CEL: variants seen among roughly 807,000 people sequenced by gnomAD.
The protein encoded by CEL is bile salt-activated lipase.
CEL carries 39 observed loss-of-function variants against 57.1 expected under a neutral mutation model. That is an observed-to-expected ratio of 0.68 (90% confidence interval 0.53 to 0.89). The LOEUF (loss-of-function observed/expected upper bound fraction) is 0.89, where lower values mean the gene tolerates loss of function less well. Ranked by LOEUF, CEL falls within the 40% of genes least tolerant of loss-of-function variation. CEL has a pLI of 0.00. For missense variants in CEL, 698 were observed against 915.0 expected (o/e 0.76, Z 3.06); for synonymous variants, 314 against 396.6 (o/e 0.79, Z 2.48).
chr9:133,064,588 C>A, intron 2 of CEL, 34 bp downstream of exon 2: 1 of 1,613,888 alleles, frequency 6.2e-7, no homozygotes, highest in Non-Finnish European at 8.5e-7. Flanking sequence ...GGCCCTGCGG[C>A]GGGGCGGGTG....
chr9:133,067,278 C>A, intron 7 of CEL, 73 bp downstream of exon 7: 1 of 1,361,174 alleles, frequency 7.3e-7, no homozygotes, highest in Non-Finnish European at 1.0e-6. Context: ...GGGAGTACTC[C>A]GGAGGAGAGA....
In CEL at chr9:133,066,662, T is replaced by G; in HGVS notation, c.669+2T>G. 1 of 1,612,680 alleles carries G rather than the reference T, an allele frequency of 6.2e-7. No individual in the cohort carries two copies. Among genetic ancestry groups the G allele is most frequent in the Non-Finnish European group, 8.5e-7 (1 of 1,179,366 alleles). ...GGAGGTGCCAGCGTCTCTCTGCAGG[T>G]CTCGGGATCCCTGTGGGGAGGGCCT... On this transcript the variant is annotated splice_donor_variant, in intron 5 of 10. Transcript: ENST00000372080. LOFTEE classifies it high-confidence loss of function. This position sits in a 1 kb window ranked among gnomAD's most constrained non-coding sequence, Gnocchi z 4.3.
At position 133,064,726 on chromosome 9, in the gene CEL, T is replaced by C; in HGVS notation, c.304T>C (p.Tyr102His). Reference sequence around the variant, plus strand: ...CACCTACGGGGATGAAGACTGCCTGTACCTCAACATTTGGGTGCCCCAGGG... The same window carrying C: ...CACCTACGGGGATGAAGACTGCCTGCACCTCAACATTTGGGTGCCCCAGGG... ...DSTYGDEDCL[Y>H]LNIWVPQGRK... Residue 102 changes from tyrosine to histidine, a missense_variant, in exon 3 of 11, where the codon TAC (tyrosine) becomes CAC (histidine). By Grantham distance (83) the Tyr-to-His change is moderately conservative (BLOSUM62 2). This residue lies in a region of CEL where 327 missense variants were observed against 374.1 expected (regional missense o/e 0.87). Transcript: ENST00000372080. 6.2e-7 allele frequency: 1 copy of C among 1,614,092 alleles called. No individual in the cohort carries two copies. Among genetic ancestry groups the C allele is most frequent in the Non-Finnish European group, 8.5e-7 (1 of 1,180,014 alleles).
At position 133,070,976 on chromosome 9, in the gene CEL, T is replaced by G; in HGVS notation, c.1485-11T>G. On this transcript the variant is annotated splice_polypyrimidine_tract_variant and intron_variant, in intron 10 of 10. Transcript: ENST00000372080. ...TCCCCAGCCCCTGCACAGCCTCTTC[T>G]CACTCTGCAGGGACCCCAACATGGG... The G allele has an allele frequency of 6.2e-7, 1 of 1,613,108 alleles. No individual in the cohort carries two copies. Among genetic ancestry groups the G allele is most frequent in the Non-Finnish European group, 8.5e-7 (1 of 1,179,714 alleles).
Position 133,066,807 on chromosome 9 carries a change from G to A in CEL, c.670-31G>A. 1 of 1,608,368 alleles carries A rather than the reference G, an allele frequency of 6.2e-7. No individual in the cohort carries two copies. Among genetic ancestry groups the A allele is most frequent in the Non-Finnish European group, 8.5e-7 (1 of 1,176,922 alleles). ...CGTGGGGTGGGCAGAGTGGGGAGCG[G>A]CCTTGGTGACGGGATTTCTGGGTCC... is the stretch of plus-strand genomic sequence containing the variant. On this transcript the variant is annotated intron_variant, in intron 5 of 10. Coordinates refer to ENST00000372080, the MANE Select transcript of CEL (RefSeq NM_001807.6). The surrounding 1 kb of genome is among the most constrained non-coding windows in gnomAD (Gnocchi z 4.3).
intron 4 of CEL, among the ~76,000 whole-genome samples, 183 bp downstream of exon 4, chr9:133,065,420 G>A (rs544500863): frequency 5.0e-4 from 76 of 152,326 alleles, no homozygotes; most frequent in African/African-American, 1.8e-3. Context: ...AGATGCTGCA[G>A]AGGCCGGGAG....
rs116375178 is a variant in CEL at position 133,067,575 on chromosome 9, G to A, written c.895+370G>A. Among the ~76,000 whole-genome samples, 581 of 152,222 alleles carry A rather than the reference G, an allele frequency of 3.8e-3. 2 individuals are homozygous for A. Among genetic ancestry groups the A allele is most frequent in the African/African-American group, 0.013 (560 of 41,520 alleles). ...TGTTTAGTAGGGATGGAGTTTCATC[G>A]TGTTAGCTAGGATGATCTCGGTCTT... On this transcript the variant is annotated intron_variant, in intron 7 of 10. Coordinates refer to ENST00000372080, the MANE Select transcript of CEL (RefSeq NM_001807.6).
chr9:133,062,171 A>G, intron 1 of CEL, 103 bp downstream of exon 1: 2 of 1,322,516 alleles, frequency 1.5e-6, no homozygotes, highest in South Asian at 2.8e-5. Flanking sequence ...CCCGCAGCAG[A>G]TCCCGGGCAC....
chr9:133,066,954 A>C lies in CEL; in HGVS notation c.777+9A>C. ...TCTTCTGGGCCAAAAAGGTAAACGG[A>C]GGAGGGCAGGGCTGGGCGGGGTGGG... On this transcript the variant is annotated intron_variant, in intron 6 of 10. Coordinates refer to ENST00000372080, the MANE Select transcript of CEL (RefSeq NM_001807.6). The surrounding 1 kb of genome is among the most constrained non-coding windows in gnomAD (Gnocchi z 4.3). The C allele has an allele frequency of 1.5e-6, 1 of 660,114 alleles. No homozygotes were observed. Among genetic ancestry groups the C allele is most frequent in the Non-Finnish European group, 2.5e-6 (1 of 400,718 alleles). The allele number at this position is 660,114 out of a possible 1,614,324, so 40.9% of individuals were successfully genotyped here. A position where few individuals can be genotyped will look rare whatever the true frequency, so the allele number is the denominator to read the frequency against.
At position 133,070,651 on chromosome 9, in the gene CEL, A is replaced by C. The variant is rs200565496; in HGVS notation, c.1477A>C (p.Lys493Gln). ...AMIAYWTNFA[K>Q]TGDPNMGDSA... ...GATCGCCTACTGGACCAACTTTGCC[A>C]AAACAGGGTAAGACGTGGGTTGAGT... Residue 493 changes from lysine (K) to glutamine (Q), a missense_variant, in exon 10 of 11, where the codon AAA (lysine) becomes CAA (glutamine). Lys to Gln is a moderately conservative substitution (Grantham distance 53). Coordinates refer to ENST00000372080, the MANE Select transcript of CEL (RefSeq NM_001807.6). 248 of 1,614,166 alleles carry C rather than the reference A, an allele frequency of 1.5e-4. 2 individuals are homozygous for C. In the African/African-American group the frequency reaches 2.8e-3, roughly 18 times the overall value.
Position 133,062,455 on chromosome 9 carries a change from G to A in CEL, c.66+387G>A, listed in dbSNP as rs375201417. Among the ~76,000 whole-genome samples the A allele has an allele frequency of 2.5e-3, 320 of 129,168 alleles. 1 individual carries two copies. Among genetic ancestry groups the A allele is most frequent in the East Asian group, 0.013 (51 of 3,978 alleles). 84.7% of individuals were successfully genotyped at this position (129,168 alleles called of 152,430 possible). A position where few individuals can be genotyped will look rare whatever the true frequency, so the allele number is the denominator to read the frequency against. On this transcript the variant is annotated intron_variant, in intron 1 of 10. Transcript: ENST00000372080. Reference sequence around the variant, plus strand: ...CTAAAAATACAAATATTAATCGGGCGTGGTGGTGGGTGCCTGTAATCCCAG... The same window carrying A: ...CTAAAAATACAAATATTAATCGGGCATGGTGGTGGGTGCCTGTAATCCCAG...
In CEL at chr9:133,067,157, C is replaced by A. The variant is rs745748354; in HGVS notation, c.847C>A (p.Pro283Thr). 6.2e-7 allele frequency: 1 copy of A among 1,614,020 alleles called. No individual in the cohort carries two copies. Among genetic ancestry groups the A allele is most frequent in the Non-Finnish European group, 8.5e-7 (1 of 1,179,974 alleles). ...RMAQCLKVTD[P>T]RALTLAYKVP... Reference sequence around the variant, plus strand: ...GGCCCAGTGTCTGAAGGTTACTGATCCCCGAGCCCTGACGCTGGCCTATAA... The same window carrying A: ...GGCCCAGTGTCTGAAGGTTACTGATACCCGAGCCCTGACGCTGGCCTATAA... The change falls in exon 7 of 11, where the codon CCC becomes ACC. Residue 283 changes from proline (P) to threonine (T), a missense_variant. Coordinates refer to ENST00000372080, the MANE Select transcript of CEL (RefSeq NM_001807.6).
At position 133,066,544 on chromosome 9, in the gene CEL, C is replaced by T. The variant is rs747093170; in HGVS notation, c.553C>T (p.Arg185Trp). 4.6e-5 allele frequency: 75 copies of T among 1,613,876 alleles called. No homozygotes were observed. Among genetic ancestry groups the T allele is most frequent in the Middle Eastern group, 3.3e-4 (2 of 6,084 alleles). Residue 185 changes from arginine (R) to tryptophan (W), a missense_variant, in exon 5 of 11, where the codon CGG becomes TGG. Coordinates refer to ENST00000372080, the MANE Select transcript of CEL (RefSeq NM_001807.6). The surrounding 1 kb of genome is among the most constrained non-coding windows in gnomAD (Gnocchi z 4.3). Reference sequence around the variant, plus strand: ...CCTGCCCCCAGGTAACTATGGCCTTCGGGATCAGCACATGGCCATTGCTTG... The same window carrying T: ...CCTGCCCCCAGGTAACTATGGCCTTTGGGATCAGCACATGGCCATTGCTTG... ...DANLPGNYGL[R>W]DQHMAIAWVK...
chr9:133,066,669 ATCCCTGTGGGGAGGG>A lies in CEL; in HGVS notation c.669+10_669+24del. The A allele has an allele frequency of 6.2e-7, 1 of 1,612,618 alleles. No homozygotes were observed. The highest frequency in any genetic ancestry group is 1.6e-4 in the Middle Eastern group (1 of 6,062). On this transcript the variant is annotated intron_variant, in intron 5 of 10. Coordinates refer to ENST00000372080, the MANE Select transcript of CEL (RefSeq NM_001807.6). This position sits in a 1 kb window ranked among gnomAD's most constrained non-coding sequence, Gnocchi z 4.3. Reference sequence around the variant, plus strand: ...CCAGCGTCTCTCTGCAGGTCTCGGGATCCCTGTGGGGAGGGCCTGCCCCACAGGTTGAGAGGAAGC... The same window carrying A: ...CCAGCGTCTCTCTGCAGGTCTCGGGACCTGCCCCACAGGTTGAGAGGAAGC...
rs533175753 is a variant in CEL at position 133,066,716 on chromosome 9, G to A, written c.669+56G>A. On this transcript the variant is annotated intron_variant, in intron 5 of 10. Transcript: ENST00000372080. The surrounding 1 kb of genome is among the most constrained non-coding windows in gnomAD (Gnocchi z 4.3). Reference sequence around the variant, plus strand: ...CCACAGGTTGAGAGGAAGCTCAAACGGGAAGGGGAGGGTGGGAGGAGGAGC... The same window carrying A: ...CCACAGGTTGAGAGGAAGCTCAAACAGGAAGGGGAGGGTGGGAGGAGGAGC... 53 of 1,607,414 alleles carry A rather than the reference G, an allele frequency of 3.3e-5. No homozygotes were observed. The highest frequency in any genetic ancestry group is 6.7e-5 in the East Asian group (3 of 44,746).
At chr9:133,070,758 A>G in intron 10 of CEL, 100 bp downstream of exon 10, 1 of 1,490,874 alleles carries the variant, frequency 6.7e-7, no homozygotes, top group Non-Finnish European at 9.3e-7. Flanking sequence ...GACTTTGGGC[A>G]AGTCACTTAA....
In CEL at chr9:133,068,778, A is replaced by C. The variant is rs1830220411; in HGVS notation, c.1002A>C (p.Ala334=). The C allele has an allele frequency of 6.3e-7, 1 of 1,582,792 alleles. No homozygotes were observed. The highest frequency in any genetic ancestry group is 1.4e-5 in the African/African-American group (1 of 71,392). Residue 334 remains alanine, a synonymous_variant, in exon 8 of 11, where the codon GCA becomes GCC. Transcript: ENST00000372080. ...ACGCCGCCGACATCGACTATATAGCAGGCACCAACAACATGGACGGCCACA... is the reference window on the plus strand; with the variant it reads ...ACGCCGCCGACATCGACTATATAGCCGGCACCAACAACATGGACGGCCACA... The part of the protein sequence containing the change: ...YANAADIDYI[A]GTNNMDGHIF...
intron 10 of CEL, 72 bp from the exon 11 acceptor site, chr9:133,070,915 G>C (rs538508685): frequency 3.2e-6 from 5 of 1,558,636 alleles, no homozygotes; most frequent in East Asian, 2.3e-5. Flanking sequence ...TGGCTCAGGC[G>C]TGCAGGTGGA....
chr9:133,065,378 C>A, intron 4 of CEL, 141 bp downstream of exon 4: 1 of 968,422 alleles, frequency 1.0e-6, no homozygotes, highest in Non-Finnish European at 1.6e-6. Context: ...TCATGAGATG[C>A]AGGAGGCCCT....
Sources: allele counts gnomAD v4.1 joint callset (sites outside exome capture counted in the v4.1 genomes callset), GRCh38; gene constraint gnomAD v4.1.1; regional missense constraint gnomAD v4.1.1; non-coding constraint Gnocchi (gnomAD v3.1); transcripts MANE v1.5; gene names NCBI Gene and HGNC (gene_info 2026-07-23, HGNC 2026-07-21).